The following CSMD3 variants were observed in gnomAD, a reference collection of about 807,000 sequenced individuals.
CSMD3 encodes the protein CUB and sushi domain-containing protein 3.
Under a neutral mutation model 435.2 loss-of-function variants are expected in CSMD3, and 177 were observed. The observed-to-expected ratio is 0.41, with a 90% CI of 0.36 to 0.46. The LOEUF is 0.46. Ranked by LOEUF, CSMD3 falls within the 20% of genes least tolerant of loss-of-function variation. The pLI, the probability that CSMD3 is intolerant of heterozygous loss-of-function variation, is 0.34. For missense variants in CSMD3, 4,265 were observed against 4,504.6 expected (o/e 0.95, Z 1.52); for synonymous variants, 1,656 against 1,520.5 (o/e 1.09, Z -2.07).
intron 4 of CSMD3, among the ~76,000 whole-genome samples, chr8:113,138,165 G>T (rs575504831): frequency 6.6e-6 from 1 of 151,132 alleles, no homozygotes; most frequent in Non-Finnish European, 1.5e-5. Flanking sequence ...TCAATTTACC[G>T]TAATTATTAT....
At chr8:112,911,710 T>C (rs562044152) in intron 10 of CSMD3, among the ~76,000 whole-genome samples, 6 of 146,328 alleles carry the variant, frequency 4.1e-5, no homozygotes, top group Non-Finnish European at 7.5e-5. Flanking sequence ...GTTATGTATG[T>C]ATTATGTTAT....
At chr8:112,720,734 G>A (rs528166047) in intron 13 of CSMD3, among the ~76,000 whole-genome samples, 3 of 152,216 alleles carry the variant, frequency 2.0e-5, no homozygotes, top group South Asian at 2.1e-4. Flanking sequence ...ATAAATAAAC[G>A]ATGTTGTTGC....
At position 112,470,907 on chromosome 8, in the gene CSMD3, A is replaced by C. The variant is rs1818456048; in HGVS notation, c.5395+1684T>G. On this transcript the variant is annotated intron_variant, in intron 32 of 70. Coordinates refer to ENST00000297405, the MANE Select transcript of CSMD3 (RefSeq NM_198123.2). ...TGTTTTGTCCACAAAAAAAACAAGA[A>C]GATTCATTTAAAAAAAACAGTTTTA... Among the ~76,000 whole-genome samples the C allele has an allele frequency of 2.0e-5, 3 of 152,012 alleles. No homozygotes were observed. In the South Asian group the frequency reaches 6.2e-4, roughly 31 times the overall value.
Position 112,886,569 on chromosome 8 carries a change from G to T in CSMD3, c.1634-27303C>A, listed in dbSNP as rs149666297. ...ATGATGGCAAACACAAATATTCATA[G>T]TGAGGGTGTACTACATACTAGATAT... On this transcript the variant is annotated intron_variant, in intron 10 of 70. Transcript: ENST00000297405. Among the ~76,000 whole-genome samples, 35 of 151,252 alleles carry T rather than the reference G, an allele frequency of 2.3e-4. No individual in the cohort carries two copies. In the East Asian group the frequency reaches 4.3e-3, roughly 19 times the overall value.
chr8:113,390,899 C>A (rs544163539), intron 1 of CSMD3, among the ~76,000 whole-genome samples: 10 of 151,992 alleles, frequency 6.6e-5, no homozygotes, highest in African/African-American at 2.2e-4. Context: ...TAGAAGAAAT[C>A]AGCTTATGCC....
chr8:112,671,998 G>GA (rs986269033), intron 16 of CSMD3, among the ~76,000 whole-genome samples: 19 of 151,526 alleles, frequency 1.3e-4, no homozygotes, highest in African/African-American at 3.9e-4. Flanking sequence ...TGCTGAAATT[G>GA]AAAAAAAATT....
At chr8:112,552,554 C>G (rs1827779105) in intron 26 of CSMD3, 40 bp downstream of exon 26, 9 of 1,597,932 alleles carry the variant, frequency 5.6e-6, no homozygotes, top group Non-Finnish European at 6.8e-6. Flanking sequence ...TTAGGCACTT[C>G]AGATTCCCTA....
chr8:113,065,692 C>T (rs1366340533), intron 5 of CSMD3, among the ~76,000 whole-genome samples: 1 of 152,086 alleles, frequency 6.6e-6, no homozygotes, highest in Non-Finnish European at 1.5e-5. Flanking sequence ...CTGGCAAAAA[C>T]AGCCTCATGT....
intron 5 of CSMD3, among the ~76,000 whole-genome samples, chr8:113,067,233 T>G (rs1257184339): frequency 6.6e-6 from 1 of 152,146 alleles, no homozygotes; most frequent in African/African-American, 2.4e-5. Flanking sequence ...CCAGTCTCAG[T>G]TCTTTATAGC....
At chr8:113,277,668 C>A (rs2093582065) in intron 3 of CSMD3, among the ~76,000 whole-genome samples, 1 of 151,790 alleles carries the variant, frequency 6.6e-6, no homozygotes, top group South Asian at 2.1e-4. Flanking sequence ...TAATGTTAGA[C>A]CTGATGTGAT....
At chr8:112,821,726 C>T (rs112112750) in intron 12 of CSMD3, among the ~76,000 whole-genome samples, 2,950 of 152,058 alleles carry the variant, frequency 0.019, 55 homozygotes, top group Middle Eastern at 0.048. Flanking sequence ...TCTTTGCCCA[C>T]GCCTGTGTCC....
chr8:112,764,013 A>C (rs1180183919), intron 13 of CSMD3, among the ~76,000 whole-genome samples: 1 of 151,032 alleles, frequency 6.6e-6, no homozygotes, highest in African/African-American at 2.4e-5. Flanking sequence ...TATCTTCAAA[A>C]TGAATTTATT....
intron 36 of CSMD3, 118 bp from the exon 37 acceptor site, chr8:112,383,781 T>A (rs534294859): frequency 4.1e-6 from 3 of 733,116 alleles, no homozygotes; most frequent in Non-Finnish European, 7.4e-6. Context: ...ATTGTGACCC[T>A]TCATAGAAGG....
At position 112,289,482 on chromosome 8, in the gene CSMD3, A is replaced by G. The variant is rs371020111; in HGVS notation, c.9031T>C (p.Tyr3011His). The change falls in exon 57 of 71, where the codon TAT (tyrosine) becomes CAT (histidine). Residue 3011 changes from tyrosine (Y) to histidine (H), a missense_variant. Physicochemically the swap from Tyr to His is moderately conservative, Grantham distance 83. Coordinates refer to ENST00000297405, the MANE Select transcript of CSMD3 (RefSeq NM_198123.2). ...PPNAVLSGEK[Y>H]TFGSTVHYSC... ...TAGTGAACAGTAGACCCAAAAGTAT[A>G]CTTCTCGCCAGACAGGACTGCATTA... is the stretch of plus-strand genomic sequence containing the variant. The G allele has an allele frequency of 1.2e-6, 2 of 1,613,162 alleles. No homozygotes were observed. The highest frequency in any genetic ancestry group is 8.5e-7 in the Non-Finnish European group (1 of 1,179,434).
chr8:113,332,311 A>T (rs1264199157), intron 1 of CSMD3, among the ~76,000 whole-genome samples: 2 of 151,402 alleles, frequency 1.3e-5, no homozygotes, highest in Non-Finnish European at 3.0e-5. Flanking sequence ...TTGGTTAAAA[A>T]AAAAAAAAAA....
intron 38 of CSMD3, among the ~76,000 whole-genome samples, chr8:112,356,827 C>A (rs897922718): frequency 7.2e-5 from 11 of 152,126 alleles, no homozygotes; most frequent in African/African-American, 2.7e-4. Flanking sequence ...TCCTTGCCTT[C>A]CACCATGATT....
chr8:112,721,013 A>G (rs142673758), intron 13 of CSMD3, among the ~76,000 whole-genome samples: 53 of 152,256 alleles, frequency 3.5e-4, no homozygotes, highest in African/African-American at 1.2e-3. Flanking sequence ...TTCTGACCCT[A>G]CAGTGCTTTA....
At chr8:113,029,565 A>T (rs1478666123) in intron 5 of CSMD3, among the ~76,000 whole-genome samples, 1 of 151,646 alleles carries the variant, frequency 6.6e-6, no homozygotes, top group African/African-American at 2.4e-5. Context: ...ACATTCAACA[A>T]GATCCAGCAT....
chr8:113,394,132 TA>T (rs2094472886), intron 1 of CSMD3, among the ~76,000 whole-genome samples: 1 of 146,602 alleles, frequency 6.8e-6, no homozygotes, highest in African/African-American at 2.6e-5. Context: ...AACTGGGTAC[TA>T]AAAAAACTCT....
Sources: gnomAD v4.1 joint callset for allele counts (sites outside exome capture counted in the v4.1 genomes callset) on GRCh38, gnomAD v4.1.1 for gene constraint, MANE v1.5 for transcripts, NCBI Gene and HGNC (gene_info 2026-07-23, HGNC 2026-07-21) for gene names.